Variants in SGCD observed in about 807,000 individuals in gnomAD.
SGCD encodes sarcoglycan delta, also known as delta-sarcoglycan.
In SGCD, 18 loss-of-function variants were observed where a neutral mutation model predicts 36.6. The ratio of observed to expected loss-of-function variants is 0.49; its 90% confidence interval spans 0.34 to 0.73. The LOEUF is 0.73. Ranked by LOEUF, SGCD falls within the 30% of genes least tolerant of loss-of-function variation. SGCD has a pLI of 0.01. For synonymous variants in SGCD, 133 were observed against 130.6 expected (o/e 1.02, Z -0.12); for missense variants, 387 against 346.7 (o/e 1.12, Z -0.92).
rs1757604365 is a variant in SGCD at position 156,767,084 on chromosome 5, A to C, written c.*7694A>C. 6.6e-6 allele frequency: 1 copy of C among 152,142 alleles called. No homozygotes were observed. Among genetic ancestry groups the C allele is most frequent in the South Asian group, 2.1e-4 (1 of 4,818 alleles). The allele number at this position is 152,142 out of a possible 1,614,324, so 9.4% of individuals were successfully genotyped here. On this transcript the variant is annotated 3_prime_UTR_variant, in exon 9 of 9. Transcript: ENST00000337851. The stretch of plus-strand genomic sequence containing the variant: ...GATTTCCTTTTTAATGGTTTAAGAC[A>C]TCCAAATGGCAAGCCAGGAATAGAT...
intron 1 of SGCD, among the ~76,000 whole-genome samples, chr5:156,029,508 C>G (rs1257835547): frequency 2.0e-5 from 3 of 152,184 alleles, no homozygotes; most frequent in African/African-American, 7.2e-5. Context: ...TATCCTCACT[C>G]TCTAGCTTGC....
At chr5:155,806,389 G>A in the SGCD span, among the ~76,000 whole-genome samples, 4 of 152,086 alleles carry the variant, frequency 2.6e-5, no homozygotes, top group East Asian at 1.9e-4. Flanking sequence ...TCCTGACCTC[G>A]TGATCCACCT....
chr5:155,766,500 A>G, the SGCD span, among the ~76,000 whole-genome samples: 1 of 152,174 alleles, frequency 6.6e-6, no homozygotes, highest in Non-Finnish European at 1.5e-5. Context: ...AGTGAGAATG[A>G]TGAAAAAGCT....
chr5:156,734,913 T>A (rs540756911), intron 7 of SGCD, among the ~76,000 whole-genome samples: 2 of 152,354 alleles, frequency 1.3e-5, no homozygotes, highest in East Asian at 3.9e-4. Flanking sequence ...TTGATAGGAA[T>A]AGGGCACTTT....
chr5:156,725,962 A>G (rs910484423), intron 7 of SGCD, among the ~76,000 whole-genome samples: 2 of 152,046 alleles, frequency 1.3e-5, no homozygotes, highest in African/African-American at 4.8e-5. Flanking sequence ...TCTGTCAACT[A>G]TTTTCTATCT....
rs1366804444 is a variant in SGCD, at chr5:156,067,640, G to A, written c.-281-50238G>A. Reference sequence around the variant, plus strand: ...CGAGCCAGGTGTGGGATATAGTCTCGTGGTGCGCCGTTTCTTAAGCCGGTC... The same window carrying A: ...CGAGCCAGGTGTGGGATATAGTCTCATGGTGCGCCGTTTCTTAAGCCGGTC... On this transcript the variant is annotated intron_variant, in intron 1 of 9. Transcript: ENST00000517913. Among the ~76,000 whole-genome samples the A allele has an allele frequency of 1.0e-4, 11 of 108,582 alleles. 1 individual carries two copies. Among genetic ancestry groups the A allele is most frequent in the African/African-American group, 4.1e-4 (6 of 14,674 alleles). The allele number at this position is 108,582 out of a possible 152,430, so 71.2% of individuals were successfully genotyped here.
At chr5:156,599,769 C>T (rs1761090408) in intron 6 of SGCD, among the ~76,000 whole-genome samples, 1 of 152,232 alleles carries the variant, frequency 6.6e-6, no homozygotes. Context: ...GAAAGCAGAG[C>T]AACCAAGAGC....
chr5:155,753,334 T>TCAAAAAAAAAAAA, the SGCD span, among the ~76,000 whole-genome samples: 57 of 135,892 alleles, frequency 4.2e-4, 4 homozygotes, highest in African/African-American at 1.8e-3. Context: ...AGACTTTGTC[T>TCAAAAAAAAAAAA]AAAAAAAAAA....
At chr5:156,634,385 G>A (rs143705312) in intron 6 of SGCD, among the ~76,000 whole-genome samples, 30 of 152,170 alleles carry the variant, frequency 2.0e-4, no homozygotes, top group African/African-American at 6.5e-4. Flanking sequence ...TAACCAACCT[G>A]CACATCCTTG....
At chr5:156,442,363 C>T (rs901348670) in intron 3 of SGCD, among the ~76,000 whole-genome samples, 2 of 152,136 alleles carry the variant, frequency 1.3e-5, no homozygotes, top group African/African-American at 4.8e-5. Flanking sequence ...TGGTTTAAAC[C>T]GCTCTACCAT....
At chr5:155,836,237 G>A in the SGCD span, among the ~76,000 whole-genome samples, 1 of 152,152 alleles carries the variant, frequency 6.6e-6, no homozygotes, top group East Asian at 1.9e-4. Context: ...TTGCTAGGAT[G>A]TACATCATTC....
intron 1 of SGCD, among the ~76,000 whole-genome samples, chr5:156,050,317 A>G (rs1157641511): frequency 6.8e-6 from 1 of 146,800 alleles, no homozygotes; most frequent in African/African-American, 2.5e-5. Context: ...ACCAGCAGAA[A>G]GATTATGACT....
intron 1 of SGCD, among the ~76,000 whole-genome samples, chr5:155,882,097 C>CTATTAT (rs144555561): frequency 1.3e-5 from 2 of 151,970 alleles, no homozygotes. Flanking sequence ...ATGAATCATA[C>CTATTAT]TATTATTATT....
chr5:156,233,356 T>A (rs1581184742), intron 3 of SGCD, among the ~76,000 whole-genome samples: 1 of 152,340 alleles, frequency 6.6e-6, no homozygotes, highest in African/African-American at 2.4e-5. Flanking sequence ...ATAACGGGAA[T>A]TCTCTAACTG....
chr5:156,186,971 G>A (rs1561556256), intron 3 of SGCD, among the ~76,000 whole-genome samples: 1 of 152,094 alleles, frequency 6.6e-6, no homozygotes, highest in Non-Finnish European at 1.5e-5. Context: ...AAACTCAAAA[G>A]TCAAGAATGT....
chr5:156,315,063 T>G (rs73811594), intron 3 of SGCD, among the ~76,000 whole-genome samples: 3,482 of 152,106 alleles, frequency 0.023, 137 homozygotes, highest in African/African-American at 0.079. Context: ...GTTTGTGTGG[T>G]GGGTACACTT....
the SGCD span, among the ~76,000 whole-genome samples, chr5:155,840,482 G>T: frequency 6.7e-6 from 1 of 150,016 alleles, no homozygotes; most frequent in South Asian, 2.1e-4. Flanking sequence ...GTAGAGACGG[G>T]GTTTCACCGT....
intron 3 of SGCD, among the ~76,000 whole-genome samples, chr5:156,480,828 C>T (rs1755390988): frequency 6.6e-6 from 1 of 152,248 alleles, no homozygotes; most frequent in Admixed American, 6.5e-5. Flanking sequence ...GGAACGTGCT[C>T]AATGGGTCTT....
chr5:155,914,065 G>A (rs568126925), intron 1 of SGCD, among the ~76,000 whole-genome samples: 2 of 152,238 alleles, frequency 1.3e-5, no homozygotes, highest in East Asian at 1.9e-4. Context: ...TGAGAAAACC[G>A]AGGTCCAAGG....
Sources: allele counts gnomAD v4.1 joint callset (sites outside exome capture counted in the v4.1 genomes callset), GRCh38; gene constraint gnomAD v4.1.1; transcripts MANE v1.5; gene names NCBI Gene and HGNC (gene_info 2026-07-23, HGNC 2026-07-21).